CEACAM1: variants seen among roughly 807,000 people sequenced by gnomAD.
The protein encoded by CEACAM1 is CEA cell adhesion molecule 1, also known as cell adhesion molecule CEACAM1.
In CEACAM1, 31 loss-of-function variants were observed where a neutral mutation model predicts 49.1. The observed-to-expected ratio is 0.63, with a 90% CI of 0.47 to 0.85. CEACAM1 has a LOEUF of 0.85. Ranked by LOEUF, CEACAM1 falls within the 40% of genes least tolerant of loss-of-function variation. The probability of loss-of-function intolerance (pLI) is 0.00; values close to 1 mark genes in which losing one functional copy is unlikely to be tolerated. For missense variants in CEACAM1, 570 were observed against 645.3 expected (o/e 0.88, Z 1.26); for synonymous variants, 244 against 247.8 (o/e 0.98, Z 0.14).
intron 2 of CEACAM1, chr19:42,525,990 C>T (rs915551413): frequency 2.6e-5 from 4 of 152,148 alleles, no homozygotes; most frequent in African/African-American, 9.7e-5. Flanking sequence ...GAGTCTCGCT[C>T]TGTCACCCAG....
At chr19:42,511,419 G>T (rs1568649825) in intron 7 of CEACAM1, 157 bp downstream of exon 7, 1 of 664,302 alleles carries the variant, frequency 1.5e-6, no homozygotes, top group Admixed American at 2.5e-5. Flanking sequence ...GGCTAGGAAG[G>T]GTGGGAAGAC....
chr19:42,512,267 G>A (rs1411297472), intron 6 of CEACAM1, 83 bp downstream of exon 6: 2 of 1,538,158 alleles, frequency 1.3e-6, no homozygotes, highest in Non-Finnish European at 1.8e-6. Flanking sequence ...TCCAGGCCCA[G>A]AGACAGGCAA....
At chr19:42,512,244 G>C in intron 6 of CEACAM1, 106 bp downstream of exon 6, 1 of 1,310,450 alleles carries the variant, frequency 7.6e-7, no homozygotes, top group Non-Finnish European at 1.1e-6. Flanking sequence ...AGTTTAGTGG[G>C]AGGAGTATGA....
rs528265545 is a variant in CEACAM1, at chr19:42,520,184, C to T, written c.959-949G>A. ...GCTGTTTGGCATTGCCCATTCTCTC[C>T]AATGCAGAGCCCCTGTGGCTGAATC... is the stretch of plus-strand genomic sequence containing the variant. On this transcript the variant is annotated intron_variant, in intron 4 of 8. Transcript: ENST00000161559. 3.3e-5 allele frequency among the ~76,000 whole-genome samples: 5 copies of T among 152,274 alleles called. No homozygotes were observed. In the South Asian group the frequency reaches 1.0e-3, roughly 32 times the overall value.
At chr19:42,512,164 G>A (rs886679255) in intron 6 of CEACAM1, among the ~76,000 whole-genome samples, 186 bp downstream of exon 6, 5 of 152,226 alleles carry the variant, frequency 3.3e-5, no homozygotes, top group African/African-American at 9.7e-5. Flanking sequence ...ATGTCCAAGA[G>A]ATAATGGGAG....
At chr19:42,510,140 C>T (rs2147765695) in intron 8 of CEACAM1, among the ~76,000 whole-genome samples, 1 of 152,296 alleles carries the variant, frequency 6.6e-6, no homozygotes, top group South Asian at 2.1e-4. Context: ...GGCTGGAGCG[C>T]AATGGCGCAA....
Position 42,528,238 on chromosome 19 carries a change from A to G in CEACAM1, c.64+73T>C, listed in dbSNP as rs576828203. 4.4e-6 allele frequency: 6 copies of G among 1,358,084 alleles called. No homozygotes were observed. The Admixed American group carries it at 6.0e-5, about 13-fold the overall frequency. 84.1% of individuals were successfully genotyped at this position (1,358,084 alleles called of 1,614,324 possible). A position where few individuals can be genotyped will look rare whatever the true frequency, so the allele number is the denominator to read the frequency against. ...GCCCTCTGTCCCCTCTTAGAGCTCC[A>G]TCCTCCCCAGAGGACCCTAGCCATT... On this transcript the variant is annotated intron_variant, in intron 1 of 8. Transcript: ENST00000161559.
Position 42,521,985 on chromosome 19 carries a change from C to T in CEACAM1, c.642G>A (p.Glu214=). The T allele has an allele frequency of 1.2e-6, 2 of 1,614,240 alleles. No individual in the cohort carries two copies. The highest frequency in any genetic ancestry group is 1.7e-6 in the Non-Finnish European group (2 of 1,180,040). The part of the protein sequence containing the change: ...SVTRNDTGPY[E]CEIQNPVSAN... Reference sequence around the variant, plus strand: ...CACTCACTGGGTTCTGTATTTCACACTCATAGGGTCCTGTGTCATTCCTTG... The same window carrying T: ...CACTCACTGGGTTCTGTATTTCACATTCATAGGGTCCTGTGTCATTCCTTG... Residue 214 remains glutamate (E), a synonymous_variant, in exon 3 of 9, where the codon GAG becomes GAA. Transcript: ENST00000161559.
chr19:42,511,194 G>T, intron 7 of CEACAM1: 1 of 579,118 alleles, frequency 1.7e-6, no homozygotes, highest in African/African-American at 1.9e-5. Context: ...ACATGCTCCA[G>T]TGGCAAGGAG....
intron 3 of CEACAM1, 51 bp downstream of exon 3, chr19:42,521,873 G>A: frequency 6.2e-7 from 1 of 1,613,378 alleles, no homozygotes; most frequent in Non-Finnish European, 8.5e-7. Flanking sequence ...GCCTCTGGCT[G>A]CGTGGATTTG....
At chr19:42,526,009 G>A (rs527265589) in intron 2 of CEACAM1, 1 of 152,236 alleles carries the variant, frequency 6.6e-6, no homozygotes, top group African/African-American at 2.4e-5. Flanking sequence ...AGGCTAGGGT[G>A]CAGTGGTGTG....
intron 2 of CEACAM1, among the ~76,000 whole-genome samples, chr19:42,524,185 T>A (rs2041830420): frequency 6.6e-6 from 1 of 152,160 alleles, no homozygotes; most frequent in South Asian, 2.1e-4. Flanking sequence ...GGCTAATGCA[T>A]CTCCCTGTCT....
chr19:42,508,947 G>C lies in CEACAM1; in HGVS notation c.*162C>G, dbSNP rs767725286. Reference sequence around the variant, plus strand: ...CTTTCATCTATTGACACTGAGAGAGGGGCAGTGACCAGGCAGCCTGGAGAT... The same window carrying C: ...CTTTCATCTATTGACACTGAGAGAGCGGCAGTGACCAGGCAGCCTGGAGAT... On this transcript the variant is annotated 3_prime_UTR_variant, in exon 9 of 9. Coordinates refer to ENST00000161559, the MANE Select transcript of CEACAM1 (RefSeq NM_001712.5). The C allele has an allele frequency of 1.0e-4, 71 of 676,990 alleles. No individual in the cohort carries two copies. Among genetic ancestry groups the C allele is most frequent in the Non-Finnish European group, 1.7e-4 (69 of 403,592 alleles). The allele number at this position is 676,990 out of a possible 1,614,324, so 41.9% of individuals were successfully genotyped here. A position where few individuals can be genotyped will look rare whatever the true frequency, so the allele number is the denominator to read the frequency against.
rs1377914783 is a variant in CEACAM1 at position 42,522,192 on chromosome 19, G to A, written c.435C>T (p.Pro145=). The change falls in exon 3 of 9, where the codon CCC becomes CCT. Residue 145 remains proline (P), a synonymous_variant. Coordinates refer to ENST00000161559, the MANE Select transcript of CEACAM1 (RefSeq NM_001712.5). ...TGQFHVYPEL[P]KPSISSNNSN... ...AGTTGTTGCTGGAGATGGAGGGCTT[G>A]GGCAGCTCCGCTATGCAGAAAACAG... 10 of 1,614,238 alleles carry A rather than the reference G, an allele frequency of 6.2e-6. No individual in the cohort carries two copies. The South Asian group carries it at 1.1e-4, about 18-fold the overall frequency.
At chr19:42,516,996 G>A in intron 5 of CEACAM1, 1 of 254,882 alleles carries the variant, frequency 3.9e-6, no homozygotes. Context: ...AGAAACCAGT[G>A]GAATAAAATA....
Position 42,519,242 on chromosome 19 carries a change from A to G in CEACAM1, c.959-7T>C, listed in dbSNP as rs2041679572. On this transcript the variant is annotated splice_polypyrimidine_tract_variant and splice_region_variant and intron_variant, in intron 4 of 8. Transcript: ENST00000161559. ...GCTACTACTGGACTTAGCTCTGTGG[A>G]CAAGCAGAGTATCTGAGATAACCTA... 6.2e-7 allele frequency: 1 copy of G among 1,613,598 alleles called. No homozygotes were observed. Among genetic ancestry groups the G allele is most frequent in the Non-Finnish European group, 8.5e-7 (1 of 1,179,896 alleles).
intron 5 of CEACAM1, among the ~76,000 whole-genome samples, chr19:42,516,210 A>G (rs927477828): frequency 6.6e-6 from 1 of 152,176 alleles, no homozygotes; most frequent in African/African-American, 2.4e-5. Flanking sequence ...AAGCATCTAG[A>G]TTGGAAAGAA....
In CEACAM1 at chr19:42,528,368, G is replaced by A; in HGVS notation, c.7C>T (p.His3Tyr). 1 of 1,613,840 alleles carries A rather than the reference G, an allele frequency of 6.2e-7. No individual in the cohort carries two copies. The highest frequency in any genetic ancestry group is 1.3e-5 in the African/African-American group (1 of 75,012). Reference protein sequence around the residue: MGHLSAPLHRVRV... With the variant: MGYLSAPLHRVRV... ...ACTCTGTGAAGTGGGGCTGAGAGGTGCCCCATGGTGTCTCCTGCTGGCCCT... is the reference window on the plus strand; with the variant it reads ...ACTCTGTGAAGTGGGGCTGAGAGGTACCCCATGGTGTCTCCTGCTGGCCCT... The change falls in exon 1 of 9, where the codon CAC (histidine) becomes TAC (tyrosine). Residue 3 changes from histidine (H) to tyrosine (Y), a missense_variant. By Grantham distance (83) the His-to-Tyr change is moderately conservative. Coordinates refer to ENST00000161559, the MANE Select transcript of CEACAM1 (RefSeq NM_001712.5).
chr19:42,510,786 C>T, intron 8 of CEACAM1, 103 bp downstream of exon 8: 1 of 1,099,600 alleles, frequency 9.1e-7, no homozygotes, highest in Non-Finnish European at 1.4e-6. Flanking sequence ...CACTGAGGAA[C>T]ATTAACCCAA....
Sources: allele counts gnomAD v4.1 joint callset (sites outside exome capture counted in the v4.1 genomes callset), GRCh38; gene constraint gnomAD v4.1.1; transcripts MANE v1.5; gene names NCBI Gene and HGNC (gene_info 2026-07-23, HGNC 2026-07-21).